The following ABCA13 variants were observed in gnomAD, a reference collection of about 807,000 sequenced individuals.
ABCA13 encodes ATP binding cassette subfamily A member 13.
ABCA13 carries 476 observed loss-of-function variants against 478.7 expected under a neutral mutation model. That is an observed-to-expected ratio of 0.99 (90% CI 0.92 to 1.07). ABCA13 has a LOEUF of 1.07. Among genes scored for constraint, ABCA13 ranks in the 50% least tolerant of loss-of-function variants. The pLI, the probability that ABCA13 is intolerant of heterozygous loss-of-function variation, is 0.00. For synonymous variants in ABCA13, 2,252 were observed against 2,158.9 expected, an observed-to-expected ratio of 1.04 and a Z score of -1.20; for missense variants, 6,060 against 5,910.6, an observed-to-expected ratio of 1.03 and a Z score of -0.83.
intron 28 of ABCA13, among the ~76,000 whole-genome samples, chr7:48,336,946 A>C (rs186264659): frequency 6.6e-6 from 1 of 152,326 alleles, no homozygotes; most frequent in East Asian, 1.9e-4. Flanking sequence ...GAATGTACAA[A>C]TATCTAGGAG....
chr7:48,264,046 A>G (rs927523870), intron 15 of ABCA13, among the ~76,000 whole-genome samples: 2 of 151,932 alleles, frequency 1.3e-5, no homozygotes, highest in African/African-American at 4.8e-5. Context: ...GGACATATGC[A>G]GTATGTACTT....
chr7:48,515,006 A>G (rs1197255904), intron 51 of ABCA13, among the ~76,000 whole-genome samples: 1 of 152,074 alleles, frequency 6.6e-6, no homozygotes, highest in Non-Finnish European at 1.5e-5. Flanking sequence ...GTATCTTTTA[A>G]CCCAGGAAAG....
chr7:48,202,451 G>T (rs7803901), intron 3 of ABCA13, among the ~76,000 whole-genome samples: 62,381 of 148,986 alleles, frequency 0.42, 13,105 homozygotes, highest in African/African-American at 0.51. Context: ...AGGGTGCTGA[G>T]TGGTGTGTTT....
chr7:48,373,934 CCTT>C (rs1490324933), intron 33 of ABCA13, among the ~76,000 whole-genome samples: 1 of 152,100 alleles, frequency 6.6e-6, no homozygotes, highest in Non-Finnish European at 1.5e-5. Flanking sequence ...CTTCAATACA[CCTT>C]CTTTCTAGTG....
At chr7:48,390,358 G>T (rs1189145804) in intron 37 of ABCA13, among the ~76,000 whole-genome samples, 2 of 152,190 alleles carry the variant, frequency 1.3e-5, no homozygotes, top group Admixed American at 6.5e-5. Flanking sequence ...CAAAGACGGG[G>T]GGGTCTTCAC....
chr7:48,525,880 A>G (rs1832859886), intron 54 of ABCA13, among the ~76,000 whole-genome samples: 1 of 151,858 alleles, frequency 6.6e-6, no homozygotes, highest in South Asian at 2.1e-4. Context: ...ATTTATCCTG[A>G]TGCTCTCCCT....
intron 55 of ABCA13, among the ~76,000 whole-genome samples, chr7:48,531,800 G>T (rs1477133876): frequency 7.4e-6 from 1 of 135,148 alleles, no homozygotes; most frequent in Non-Finnish European, 1.6e-5. Flanking sequence ...TTCTCCGTTT[G>T]GTTGCTTTTG....
At chr7:48,427,960 A>T (rs1023312952) in intron 42 of ABCA13, 89 bp downstream of exon 42, 7 of 894,806 alleles carry the variant, frequency 7.8e-6, no homozygotes, top group Non-Finnish European at 9.9e-6. Flanking sequence ...GTTGTATAGC[A>T]AGGTTCTGAA....
At chr7:48,270,653 A>G (rs1200987046) in intron 16 of ABCA13, among the ~76,000 whole-genome samples, 1 of 152,182 alleles carries the variant, frequency 6.6e-6, no homozygotes, top group African/African-American at 2.4e-5. Context: ...ATAACAACTA[A>G]CTAAATTAAG....
chr7:48,410,559 C>A lies in ABCA13; in HGVS notation c.12110C>A (p.Ala4037Asp), dbSNP rs768261653. ...IIFTTHHLDE[A>D]EALSDRVAVL... Reference sequence around the variant, plus strand: ...TTCACAACCCACCACCTGGATGAAGCTGAAGCGCTGAGTGACCGCGTGGCC... The same window carrying A: ...TTCACAACCCACCACCTGGATGAAGATGAAGCGCTGAGTGACCGCGTGGCC... The change falls in exon 40 of 62, where the codon GCT (alanine) becomes GAT (aspartate). Residue 4037 changes from alanine to aspartate, a missense_variant. By Grantham distance (126) the Ala-to-Asp change is moderately radical. Around this residue, in one of 3 missense-constraint regions of ABCA13, gnomAD observed 1,627 missense variants for 1,571.0 expected, o/e 1.04. Transcript: ENST00000435803. The A allele has an allele frequency of 2.5e-6, 4 of 1,613,944 alleles. No homozygotes were observed. Among genetic ancestry groups the A allele is most frequent in the Non-Finnish European group, 3.4e-6 (4 of 1,179,912 alleles).
chr7:48,512,948 A>G (rs1831818744), intron 51 of ABCA13, among the ~76,000 whole-genome samples: 1 of 152,220 alleles, frequency 6.6e-6, no homozygotes, highest in Non-Finnish European at 1.5e-5. Flanking sequence ...AGAGCCCCCA[A>G]GGAAAGTTTA....
At position 48,636,849 on chromosome 7, in the gene ABCA13, C is replaced by T. The variant is rs190823254; in HGVS notation, c.14838-6439C>T. Among the ~76,000 whole-genome samples, 331 of 152,222 alleles carry T rather than the reference C, an allele frequency of 2.2e-3. 2 individuals are homozygous for T. The highest frequency in any genetic ancestry group is 7.7e-3 in the African/African-American group (318 of 41,538). ...CAGTTGGAAAGTTCCAGGCACATTTCGGCCCAGAGTCACTTACCCAGAGCC... is the reference window on the plus strand; with the variant it reads ...CAGTTGGAAAGTTCCAGGCACATTTTGGCCCAGAGTCACTTACCCAGAGCC... On this transcript the variant is annotated intron_variant, in intron 59 of 61. Transcript: ENST00000435803.
intron 42 of ABCA13, among the ~76,000 whole-genome samples, chr7:48,452,349 G>C (rs1289567732): frequency 6.6e-6 from 1 of 152,148 alleles, no homozygotes; most frequent in Non-Finnish European, 1.5e-5. Flanking sequence ...TATGTTGGTG[G>C]CTGAGATTAG....
At chr7:48,366,183 A>G (rs1379795941) in intron 31 of ABCA13, among the ~76,000 whole-genome samples, 1 of 152,172 alleles carries the variant, frequency 6.6e-6, no homozygotes, top group African/African-American at 2.4e-5. Context: ...AGAAAAGCCC[A>G]GGACCTGATG....
intron 55 of ABCA13, among the ~76,000 whole-genome samples, chr7:48,558,307 G>A (rs1245523801): frequency 6.8e-6 from 1 of 146,726 alleles, no homozygotes; most frequent in Non-Finnish European, 1.5e-5. Flanking sequence ...GTGCAGTGGT[G>A]CAATCTTGGC....
At position 48,274,922 on chromosome 7, in the gene ABCA13, T is replaced by C. The variant is rs745392093; in HGVS notation, c.5256T>C (p.His1752=). 3.7e-6 allele frequency: 6 copies of C among 1,613,932 alleles called. No homozygotes were observed. The highest frequency in any genetic ancestry group is 4.5e-5 in the East Asian group (2 of 44,882). ...TAGATGTGTACTATGTGCTTCCTCATGCTGTAAGGCTCCTGCAGGGAGTAC... is the reference window on the plus strand; with the variant it reads ...TAGATGTGTACTATGTGCTTCCTCACGCTGTAAGGCTCCTGCAGGGAGTAC... ...AVIDVYYVLP[H]AVRLLQGVPG... Residue 1752 remains histidine (H), a synonymous_variant, in exon 17 of 62, where the codon CAT becomes CAC. Transcript: ENST00000435803.
chr7:48,273,198 G>A lies in ABCA13; in HGVS notation c.3532G>A (p.Gly1178Ser). The A allele has an allele frequency of 1.9e-6, 3 of 1,613,582 alleles. No homozygotes were observed. Among genetic ancestry groups the A allele is most frequent in the African/African-American group, 2.7e-5 (2 of 74,988 alleles). Residue 1178 changes from glycine to serine, a missense_variant, in exon 17 of 62, where the codon GGT becomes AGT. Physicochemically the swap from Gly to Ser is moderately conservative, Grantham distance 56. Transcript: ENST00000435803. ...GAATGTTTTCACATCTCTTCATCAT[G>A]GTTTCACTCAGCTTTTGGATGAATT... Reference protein sequence around the residue: ...DMNVFTSLHHGFTQLLDELED... With the variant: ...DMNVFTSLHHSFTQLLDELED...
chr7:48,534,807 T>C (rs1439519395), intron 55 of ABCA13, among the ~76,000 whole-genome samples: 1 of 152,232 alleles, frequency 6.6e-6, no homozygotes, highest in Admixed American at 6.5e-5. Flanking sequence ...TTGCTGAGAC[T>C]TTCCAGTGCG....
At chr7:48,538,210 C>T (rs1444831109) in intron 55 of ABCA13, among the ~76,000 whole-genome samples, 3 of 150,096 alleles carry the variant, frequency 2.0e-5, no homozygotes, top group South Asian at 2.1e-4. Flanking sequence ...AAGTGATTCT[C>T]CTGCCTCAGC....
Sources: gnomAD v4.1 joint callset for allele counts (sites outside exome capture counted in the v4.1 genomes callset) on GRCh38, gnomAD v4.1.1 for gene constraint, gnomAD v4.1.1 regional missense constraint, MANE v1.5 for transcripts, NCBI Gene and HGNC (gene_info 2026-07-23, HGNC 2026-07-21) for gene names.